The following CBL variants were observed in gnomAD, a reference collection of about 807,000 sequenced individuals.
CBL encodes the protein E3 ubiquitin-protein ligase CBL.
In CBL, 45 loss-of-function variants were observed where a neutral mutation model predicts 96.9. The ratio of observed to expected loss-of-function variants is 0.46; its 90% CI spans 0.37 to 0.60. CBL has a LOEUF of 0.60. Ranked by LOEUF, CBL falls within the 20% of genes least tolerant of loss-of-function variation. CBL has a pLI of 0.00. For synonymous variants in CBL, 420 were observed against 426.8 expected, an observed-to-expected ratio of 0.98 and a Z score of 0.20; for missense variants, 1,024 against 1,143.5, an observed-to-expected ratio of 0.90 and a Z score of 1.51.
intron 1 of CBL, among the ~76,000 whole-genome samples, chr11:119,216,808 C>T: frequency 6.6e-6 from 1 of 152,098 alleles, no homozygotes; most frequent in Non-Finnish European, 1.5e-5. Context: ...ACTACCCTCC[C>T]AAGAGGTATC....
intron 2 of CBL, among the ~76,000 whole-genome samples, chr11:119,268,317 C>T (rs1485805724): frequency 6.6e-6 from 1 of 152,002 alleles, no homozygotes; most frequent in South Asian, 2.1e-4. Flanking sequence ...GCCAATACCA[C>T]ATAAATAGAA....
chr11:119,216,495 C>T (rs1341952932), intron 1 of CBL, among the ~76,000 whole-genome samples: 1 of 151,950 alleles, frequency 6.6e-6, no homozygotes, highest in Non-Finnish European at 1.5e-5. Context: ...CCTCAGTCTC[C>T]CTTGTAGCTG....
chr11:119,296,397 G>A (rs969267853), intron 12 of CBL, among the ~76,000 whole-genome samples: 2 of 152,174 alleles, frequency 1.3e-5, no homozygotes, highest in Non-Finnish European at 2.9e-5. Flanking sequence ...GATCCTTGAT[G>A]TGGGAGTCAG....
In CBL at chr11:119,281,550, A is replaced by G. The variant is rs1231285525; in HGVS notation, c.1431+2837A>G. On this transcript the variant is annotated intron_variant, in intron 9 of 15. Transcript: ENST00000264033. ...TGCTCTGTCACCCAGGCTGGAGTGCAGTGGTGCAATCTCGGCTCACTGCAA... is the reference window on the plus strand; with the variant it reads ...TGCTCTGTCACCCAGGCTGGAGTGCGGTGGTGCAATCTCGGCTCACTGCAA... Among the ~76,000 whole-genome samples, 3 of 143,802 alleles carry G rather than the reference A, an allele frequency of 2.1e-5. No homozygotes were observed. In the East Asian group the frequency reaches 6.1e-4, roughly 29 times the overall value. 94.3% of individuals were successfully genotyped at this position (143,802 alleles called of 152,430 possible).
intron 2 of CBL, among the ~76,000 whole-genome samples, chr11:119,251,073 T>C (rs1033753691): frequency 2.0e-5 from 3 of 152,208 alleles, no homozygotes; most frequent in African/African-American, 7.2e-5. Flanking sequence ...AAAATTTAAT[T>C]TGGGGTACTT....
At position 119,206,522 on chromosome 11, in the gene CBL, G is replaced by GCACCACCAC. The variant is rs373212940; in HGVS notation, c.119_127dup (p.His40_His42dup). On this transcript the variant is annotated inframe_insertion, in exon 1 of 16. Transcript: ENST00000264033. ...GGCTCATGAAGGACGCCTTCCAGCC[G>GCACCACCAC]CACCACCACCACCACCACCACCTCA... is the stretch of plus-strand genomic sequence containing the variant. 1.9e-6 allele frequency: 3 copies of GCACCACCAC among 1,556,500 alleles called. No individual in the cohort carries two copies. Among genetic ancestry groups the GCACCACCAC allele is most frequent in the Non-Finnish European group, 2.6e-6 (3 of 1,150,826 alleles).
intron 9 of CBL, among the ~76,000 whole-genome samples, chr11:119,281,263 TG>T (rs1949931229): frequency 6.6e-6 from 1 of 152,182 alleles, no homozygotes; most frequent in South Asian, 2.1e-4. Context: ...TCCTCTTTTT[TG>T]CTTCTTTGTT....
At chr11:119,287,767 A>T in intron 11 of CBL, 85 bp from the exon 12 acceptor site, 1 of 882,486 alleles carries the variant, frequency 1.1e-6, no homozygotes, top group Non-Finnish European at 1.9e-6. Context: ...TGTATCTGTT[A>T]TTGTTATTTT....
chr11:119,233,760 A>G (rs891615243), intron 2 of CBL, among the ~76,000 whole-genome samples: 2 of 152,150 alleles, frequency 1.3e-5, no homozygotes, highest in African/African-American at 4.8e-5. Context: ...AGTGACTTGA[A>G]TTAGAAGGAA....
At chr11:119,282,440 A>G (rs897745333) in intron 9 of CBL, among the ~76,000 whole-genome samples, 1 of 152,230 alleles carries the variant, frequency 6.6e-6, no homozygotes, top group South Asian at 2.1e-4. Flanking sequence ...AATGAGAGAA[A>G]GATTGATGAT....
At chr11:119,208,709 A>G (rs1470296882) in intron 1 of CBL, among the ~76,000 whole-genome samples, 2 of 152,150 alleles carry the variant, frequency 1.3e-5, no homozygotes, top group Non-Finnish European at 2.9e-5. Context: ...TTAAAGAATA[A>G]GAGTATTCTG....
chr11:119,215,373 T>A (rs1448743190), intron 1 of CBL, among the ~76,000 whole-genome samples: 6 of 152,124 alleles, frequency 3.9e-5, no homozygotes, highest in Non-Finnish European at 8.8e-5. Flanking sequence ...TCCCTAATGA[T>A]TAACCTAGAG....
At chr11:119,242,846 T>A (rs1451122949) in intron 2 of CBL, among the ~76,000 whole-genome samples, 2 of 152,160 alleles carry the variant, frequency 1.3e-5, no homozygotes, top group Non-Finnish European at 2.9e-5. Context: ...TTTTTACTTT[T>A]TTAAAAAAAT....
At position 119,302,875 on chromosome 11, in the gene CBL, C is replaced by T. The variant is rs568168617; in HGVS notation, c.*3094C>T. On this transcript the variant is annotated 3_prime_UTR_variant, in exon 16 of 16. Transcript: ENST00000264033. ...CGTTCTCTTCCACTTGCTCGTCTCC[C>T]CCCAGCCCCATTCTGCATAATCTAC... The T allele has an allele frequency of 2.6e-5, 6 of 231,018 alleles. No individual in the cohort carries two copies. In the South Asian group the frequency reaches 1.1e-3, roughly 42 times the overall value. 14.3% of individuals were successfully genotyped at this position (231,018 alleles called of 1,614,324 possible).
At chr11:119,244,645 G>A (rs1170660628) in intron 2 of CBL, among the ~76,000 whole-genome samples, 2 of 147,174 alleles carry the variant, frequency 1.4e-5, no homozygotes, top group Non-Finnish European at 3.0e-5. Flanking sequence ...GCAGTGGCGT[G>A]ATCTCGGCTC....
At chr11:119,260,156 A>C (rs1949743393) in intron 2 of CBL, among the ~76,000 whole-genome samples, 1 of 152,064 alleles carries the variant, frequency 6.6e-6, no homozygotes, top group Non-Finnish European at 1.5e-5. Flanking sequence ...ATGTCCCGTT[A>C]CTGAGTTAGT....
chr11:119,283,841 G>A (rs544801380), intron 9 of CBL, among the ~76,000 whole-genome samples: 47 of 151,486 alleles, frequency 3.1e-4, no homozygotes, highest in African/African-American at 1.1e-3. Context: ...GTTTCACCGT[G>A]TTAGCCAAGA....
rs539312189 is a variant in CBL at position 119,301,959 on chromosome 11, T to C, written c.*2178T>C. 8.6e-6 allele frequency: 2 copies of C among 233,270 alleles called. No individual in the cohort carries two copies. The highest frequency in any genetic ancestry group is 2.2e-5 in the African/African-American group (1 of 45,472). 14.5% of individuals were successfully genotyped at this position (233,270 alleles called of 1,614,324 possible). ...TGTAATTTTTCTTTATCTGCAGATA[T>C]TGCCTGTAGTCTAAAGATCTCTTTG... On this transcript the variant is annotated 3_prime_UTR_variant, in exon 16 of 16. Transcript: ENST00000264033.
At chr11:119,232,353 A>C in intron 1 of CBL, 95 bp from the exon 2 acceptor site, 2 of 1,372,416 alleles carry the variant, frequency 1.5e-6, no homozygotes, top group Non-Finnish European at 2.0e-6. Context: ...CATATTTTGC[A>C]AAAGAGCACA....
Sources: gnomAD v4.1 joint callset for allele counts (sites outside exome capture counted in the v4.1 genomes callset) on GRCh38, gnomAD v4.1.1 for gene constraint, MANE v1.5 for transcripts, NCBI Gene and HGNC (gene_info 2026-07-23, HGNC 2026-07-21) for gene names.